The following CCDC191 variants were observed in gnomAD, a reference collection of about 807,000 sequenced individuals.
CCDC191 encodes coiled-coil domain-containing protein 191.
Under a neutral mutation model 114.0 loss-of-function variants are expected in CCDC191, and 99 were observed. The ratio of observed to expected loss-of-function variants is 0.87; its 90% confidence interval spans 0.74 to 1.03. CCDC191 has a LOEUF of 1.03. Among genes scored for constraint, CCDC191 ranks in the 50% least tolerant of loss-of-function variants. The pLI is 0.00. For synonymous variants in CCDC191, 351 were observed against 376.0 expected, an observed-to-expected ratio of 0.93 and a Z score of 0.77; for missense variants, 973 against 1,087.0, an observed-to-expected ratio of 0.90 and a Z score of 1.47.
At chr3:114,031,133 GTAAAA>G (rs2076398416) in intron 7 of CCDC191, among the ~76,000 whole-genome samples, 1 of 152,084 alleles carries the variant, frequency 6.6e-6, no homozygotes, top group Non-Finnish European at 1.5e-5. Context: ...GGAAGAAAAG[GTAAAA>G]TAAAATATAG....
At chr3:114,050,351 T>C (rs1324258632) in intron 2 of CCDC191, among the ~76,000 whole-genome samples, 1 of 152,234 alleles carries the variant, frequency 6.6e-6, no homozygotes, top group Non-Finnish European at 1.5e-5. Flanking sequence ...TGCTCATATA[T>C]AATAAATAGT....
At chr3:114,035,589 ACAC>A (rs902381465) in intron 5 of CCDC191, among the ~76,000 whole-genome samples, 6 of 152,216 alleles carry the variant, frequency 3.9e-5, no homozygotes, top group African/African-American at 1.4e-4. Flanking sequence ...GCCTTTAGGA[ACAC>A]CACAACCCTT....
chr3:114,023,096 C>T (rs1426966811), intron 7 of CCDC191, among the ~76,000 whole-genome samples: 4 of 152,116 alleles, frequency 2.6e-5, no homozygotes, highest in African/African-American at 9.7e-5. Context: ...GAGTGAACTC[C>T]CATTCACATT....
intron 7 of CCDC191, among the ~76,000 whole-genome samples, chr3:114,028,275 A>ATTTTTTTTTTTTTTTTTT (rs920211150): frequency 7.9e-6 from 1 of 126,880 alleles, no homozygotes; most frequent in African/African-American, 2.9e-5. Context: ...AATTCTAAAA[A>ATTTTTTTTTTTTTTTTTT]TTTTTTTTTT....
chr3:113,999,720 CTG>C (rs2075815435), intron 13 of CCDC191, among the ~76,000 whole-genome samples: 1 of 152,192 alleles, frequency 6.6e-6, no homozygotes, highest in African/African-American at 2.4e-5. Flanking sequence ...GAAACAAAAA[CTG>C]TGTCATGAGT....
intron 6 of CCDC191, among the ~76,000 whole-genome samples, chr3:114,034,352 G>A (rs1193226129): frequency 2.0e-5 from 3 of 152,152 alleles, no homozygotes; most frequent in African/African-American, 4.8e-5. Flanking sequence ...GCTGAGAAGA[G>A]TATGATAAAC....
At chr3:114,051,776 C>T (rs934191302) in intron 2 of CCDC191, among the ~76,000 whole-genome samples, 14 of 152,080 alleles carry the variant, frequency 9.2e-5, no homozygotes, top group African/African-American at 1.7e-4. Flanking sequence ...TTGAAGTCTT[C>T]GGTCCAGAGG....
At chr3:113,990,507 T>C (rs939770245) in intron 13 of CCDC191, among the ~76,000 whole-genome samples, 3 of 151,970 alleles carry the variant, frequency 2.0e-5, no homozygotes, top group Non-Finnish European at 4.4e-5. Flanking sequence ...AGGTTCAGTA[T>C]ATATTGCTCA....
Position 114,010,811 on chromosome 3 carries a change from C to T in CCDC191, c.1374G>A (p.Glu458=), listed in dbSNP as rs767722618. The T allele has an allele frequency of 6.2e-7, 1 of 1,613,776 alleles. No individual in the cohort carries two copies. The highest frequency in any genetic ancestry group is 8.5e-7 in the Non-Finnish European group (1 of 1,179,728). ...CTGGTGGACCCACCATGGCTGTTGC[C>T]TCCTCAGGTAGACTGATGCCTGATA... ...NGLSGISLPE[E]ATAMVGPPVK... The change falls in exon 9 of 17, where the codon GAG becomes GAA. Residue 458 remains glutamate, a synonymous_variant. Transcript: ENST00000295878.
chr3:113,981,491 A>C (rs181721325), intron 13 of CCDC191, among the ~76,000 whole-genome samples: 1 of 152,324 alleles, frequency 6.6e-6, no homozygotes, highest in East Asian at 1.9e-4. Context: ...TGAGAGAAAA[A>C]GAAATCTACC....
At chr3:113,968,777 GA>G (rs1940494508) in intron 16 of CCDC191, among the ~76,000 whole-genome samples, 1 of 151,632 alleles carries the variant, frequency 6.6e-6, no homozygotes, top group Admixed American at 6.6e-5. Context: ...TTTTAAATTG[GA>G]TTTTTTTTTG....
chr3:113,971,834 T>A (rs1300614817), intron 16 of CCDC191, among the ~76,000 whole-genome samples: 2 of 152,146 alleles, frequency 1.3e-5, no homozygotes, highest in African/African-American at 4.8e-5. Flanking sequence ...TGAGACTTTT[T>A]AATTACAGCT....
rs966028365 is a variant in CCDC191 at position 113,979,006 on chromosome 3, G to A, written c.2312C>T (p.Ala771Val). 6.2e-7 allele frequency: 1 copy of A among 1,612,866 alleles called. No individual in the cohort carries two copies. Among genetic ancestry groups the A allele is most frequent in the African/African-American group, 1.3e-5 (1 of 74,864 alleles). ...CAGGAACAAAGAGTAATGTTCTTCT[G>A]CCACCTGGACAATTTTTTAAATGAG... is the stretch of plus-strand genomic sequence containing the variant. ...RMQSKQNIQV[A>V]EEHYSLFLQR... Residue 771 changes from alanine (A) to valine (V), a missense_variant, in exon 15 of 17, where the codon GCA (alanine) becomes GTA (valine). Physicochemically the swap from Ala to Val is moderately conservative, Grantham distance 64. Transcript: ENST00000295878.
At chr3:113,987,418 C>T (rs1031750305) in intron 13 of CCDC191, among the ~76,000 whole-genome samples, 3 of 151,712 alleles carry the variant, frequency 2.0e-5, no homozygotes, top group African/African-American at 7.3e-5. Flanking sequence ...ATTGTTCAAA[C>T]AATAAGTTTA....
At chr3:114,014,315 A>G (rs2107688536) in intron 8 of CCDC191, among the ~76,000 whole-genome samples, 2 of 152,310 alleles carry the variant, frequency 1.3e-5, no homozygotes, top group East Asian at 3.9e-4. Flanking sequence ...AGGCTATGAA[A>G]GCCTTGTCCT....
intron 16 of CCDC191, among the ~76,000 whole-genome samples, chr3:113,971,202 T>TTTC (rs1427111402): frequency 1.3e-5 from 2 of 152,206 alleles, no homozygotes; most frequent in Non-Finnish European, 2.9e-5. Flanking sequence ...AGTGTTCCTA[T>TTTC]TTCTCCACAT....
At chr3:113,972,604 T>C (rs943272820) in intron 16 of CCDC191, among the ~76,000 whole-genome samples, 2 of 152,096 alleles carry the variant, frequency 1.3e-5, no homozygotes, top group Non-Finnish European at 2.9e-5. Flanking sequence ...TGGTTTCTGG[T>C]TTAAGTTTGA....
chr3:113,993,901 G>GA (rs1290723338), intron 13 of CCDC191, among the ~76,000 whole-genome samples: 8 of 150,480 alleles, frequency 5.3e-5, no homozygotes, highest in Non-Finnish European at 7.4e-5. Flanking sequence ...AAAAAGAAAA[G>GA]AAAAAAAAAT....
chr3:114,052,452 T>TA (rs2076709854), intron 2 of CCDC191, among the ~76,000 whole-genome samples: 1 of 151,988 alleles, frequency 6.6e-6, no homozygotes, highest in African/African-American at 2.4e-5. Flanking sequence ...TCTTACTAGA[T>TA]AGAGGAGTGG....
Sources: gnomAD v4.1 joint callset for allele counts (sites outside exome capture counted in the v4.1 genomes callset) on GRCh38, gnomAD v4.1.1 for gene constraint, MANE v1.5 for transcripts, NCBI Gene and HGNC (gene_info 2026-07-23, HGNC 2026-07-21) for gene names.